The following C5 variants were observed in gnomAD, a reference collection of about 807,000 sequenced individuals.
The protein encoded by C5 is complement C5, also known as C3 and PZP-like alpha-2-macroglobulin domain-containing protein 4.
A neutral mutation model predicts 218.8 loss-of-function variants in C5; 140 were observed. The observed-to-expected ratio is 0.64, with a 90% CI of 0.56 to 0.74. The LOEUF (loss-of-function observed/expected upper bound fraction) is 0.74. Ranked by LOEUF, C5 falls within the 30% of genes least tolerant of loss-of-function variation. The pLI, the probability that C5 is intolerant of heterozygous loss-of-function variation, is 0.00. For missense variants in C5, 1,700 were observed against 1,969.6 expected (o/e 0.86, Z 2.59); for synonymous variants, 614 against 682.3 (o/e 0.90, Z 1.56).
chr9:121,066,871 A>C, the C5 span, among the ~76,000 whole-genome samples: 13 of 151,262 alleles, frequency 8.6e-5, no homozygotes, highest in African/African-American at 2.7e-4. Flanking sequence ...AGAAAAAAAA[A>C]AAAAACAAAA....
chr9:121,046,488 A>G, intron 1 of C5, 105 bp from the exon 2 acceptor site: 1 of 770,262 alleles, frequency 1.3e-6, no homozygotes, highest in Non-Finnish European at 2.3e-6. Flanking sequence ...AAATACATAT[A>G]TTTCCTCACT....
At chr9:121,066,620 A>AT in the C5 span, among the ~76,000 whole-genome samples, 3 of 151,248 alleles carry the variant, frequency 2.0e-5, no homozygotes, top group African/African-American at 7.3e-5. Context: ...TGAGGTGGAC[A>AT]GATCACCTGA....
the C5 span, among the ~76,000 whole-genome samples, chr9:121,067,282 G>A: frequency 1.3e-5 from 2 of 152,014 alleles, no homozygotes; most frequent in East Asian, 3.9e-4. Flanking sequence ...AAAAAAATAG[G>A]CAGGGCGCGG....
At chr9:121,055,967 A>G in the C5 span, among the ~76,000 whole-genome samples, 3 of 152,228 alleles carry the variant, frequency 2.0e-5, no homozygotes, top group African/African-American at 7.2e-5. Flanking sequence ...ATTCTCCCCT[A>G]TCTTCCCAAG....
chr9:121,000,437 G>T (rs930863704), intron 20 of C5, among the ~76,000 whole-genome samples: 1 of 152,096 alleles, frequency 6.6e-6, no homozygotes, highest in African/African-American at 2.4e-5. Flanking sequence ...CTTTAAATCA[G>T]TGTGATACTG....
intron 11 of C5, 112 bp downstream of exon 11, chr9:121,021,397 T>C (rs967264437): frequency 1.2e-6 from 1 of 805,888 alleles, no homozygotes. Flanking sequence ...ATTATGGAAC[T>C]GTTCACTGGA....
At chr9:121,028,451 C>T (rs2047444291) in intron 7 of C5, among the ~76,000 whole-genome samples, 1 of 152,154 alleles carries the variant, frequency 6.6e-6, no homozygotes, top group African/African-American at 2.4e-5. Flanking sequence ...ACCTAAATGC[C>T]CATCAATGAT....
chr9:121,036,184 C>T (rs1434771862), intron 4 of C5, among the ~76,000 whole-genome samples: 1 of 152,126 alleles, frequency 6.6e-6, no homozygotes, highest in Non-Finnish European at 1.5e-5. Context: ...TTACAGAAGC[C>T]TATTTTGAAC....
At chr9:120,991,045 G>C in intron 23 of C5, 146 bp downstream of exon 23, 1 of 627,528 alleles carries the variant, frequency 1.6e-6, no homozygotes, top group Non-Finnish European at 2.9e-6. Context: ...GAAAGTGGGG[G>C]TGGGTAGGGG....
chr9:121,021,393 G>T (rs2047363751), intron 11 of C5, 116 bp downstream of exon 11: 2 of 789,558 alleles, frequency 2.5e-6, no homozygotes, highest in Non-Finnish European at 2.2e-6. Flanking sequence ...CAAAATTATG[G>T]AACTGTTCAC....
intron 7 of C5, among the ~76,000 whole-genome samples, chr9:121,028,242 G>T (rs2047442188): frequency 6.6e-6 from 1 of 152,298 alleles, no homozygotes; most frequent in Non-Finnish European, 1.5e-5. Context: ...TTACACTGTT[G>T]GTGGGAGTGT....
intron 15 of C5, 146 bp downstream of exon 15, chr9:121,016,108 C>A: frequency 1.9e-6 from 2 of 1,038,466 alleles, no homozygotes; most frequent in Non-Finnish European, 2.9e-6. Flanking sequence ...ATCTTGAAGG[C>A]CAGTGAAACA....
chr9:120,973,467 A>G (rs1388923619), intron 30 of C5, among the ~76,000 whole-genome samples: 32 of 152,216 alleles, frequency 2.1e-4, no homozygotes, highest in Non-Finnish European at 1.2e-4. Context: ...ATGCACATGC[A>G]TACGTCCTGT....
Position 121,017,624 on chromosome 9 carries a change from CT to C in C5, c.1716+18del. The C allele has an allele frequency of 6.2e-7, 1 of 1,610,180 alleles. No individual in the cohort carries two copies. Among genetic ancestry groups the C allele is most frequent in the Non-Finnish European group, 8.5e-7 (1 of 1,176,878 alleles). ...CATTGAAAAGAAAATTCAATTGTGACTTATAATTTGTGGCTTACCTGGAGCT... is the reference window on the plus strand; with the variant it reads ...CATTGAAAAGAAAATTCAATTGTGACTATAATTTGTGGCTTACCTGGAGCT... On this transcript the variant is annotated intron_variant, in intron 13 of 40. Coordinates refer to ENST00000223642, the MANE Select transcript of C5 (RefSeq NM_001735.3).
chr9:121,012,607 T>A (rs1165944000), intron 17 of C5, among the ~76,000 whole-genome samples: 2 of 152,224 alleles, frequency 1.3e-5, no homozygotes, highest in Non-Finnish European at 2.9e-5. Context: ...TCTACAAACA[T>A]AAATTTTGTG....
intron 22 of C5, among the ~76,000 whole-genome samples, chr9:120,992,872 C>T (rs1003352697): frequency 2.6e-5 from 4 of 152,268 alleles, no homozygotes; most frequent in Admixed American, 2.0e-4. Context: ...ATGGATTTGA[C>T]TACATCAGAA....
chr9:120,997,729 T>G lies in C5; in HGVS notation c.2608A>C (p.Ser870Arg), dbSNP rs1339433627. The G allele has an allele frequency of 2.5e-6, 4 of 1,614,158 alleles. No homozygotes were observed. The highest frequency in any genetic ancestry group is 2.5e-6 in the Non-Finnish European group (3 of 1,180,024). Reference sequence around the variant, plus strand: ...GTGCCCTGATGATCAATGACTGGGCTTTCCGAAGTGCAGATTCCCTCCACA... The same window carrying G: ...GTGCCCTGATGATCAATGACTGGGCGTTCCGAAGTGCAGATTCCCTCCACA... ...SAVEGICTSE[S>R]PVIDHQGTKS... Residue 870 changes from serine (S) to arginine (R), a missense_variant, in exon 21 of 41, where the codon AGC becomes CGC. Transcript: ENST00000223642.
At chr9:121,055,300 T>C in the C5 span, among the ~76,000 whole-genome samples, 1 of 152,110 alleles carries the variant, frequency 6.6e-6, no homozygotes, top group Non-Finnish European at 1.5e-5. Context: ...CTCTGAAATA[T>C]TTCACAGATT....
chr9:121,052,006 C>G (rs1366760579), upstream of C5, among the ~76,000 whole-genome samples: 3 of 152,100 alleles, frequency 2.0e-5, no homozygotes, highest in Non-Finnish European at 2.9e-5. Context: ...ATACTGATAA[C>G]CAATATTTGC....
Sources: gnomAD v4.1 joint callset for allele counts (sites outside exome capture counted in the v4.1 genomes callset) on GRCh38, gnomAD v4.1.1 for gene constraint, MANE v1.5 for transcripts, NCBI Gene and HGNC (gene_info 2026-07-23, HGNC 2026-07-21) for gene names.